Variants in NFATC2 observed in about 807,000 individuals in gnomAD.
NFATC2 encodes the protein nuclear factor of activated T cells 2, also known as nuclear factor of activated T-cells, cytoplasmic 2.
In NFATC2, 22 loss-of-function variants were observed where a neutral mutation model predicts 87.3. That is an observed-to-expected ratio of 0.25 (90% CI 0.18 to 0.36). The LOEUF (loss-of-function observed/expected upper bound fraction) is 0.36, where lower values mean the gene tolerates loss of function less well. Ranked by LOEUF, NFATC2 falls within the 10% of genes least tolerant of loss-of-function variation. NFATC2 has a pLI of 1.00. For synonymous variants in NFATC2, 565 were observed against 542.2 expected, an observed-to-expected ratio of 1.04 and a Z score of -0.58; for missense variants, 1,149 against 1,259.1, an observed-to-expected ratio of 0.91 and a Z score of 1.32.
At chr20:51,483,129 C>T (rs1568673627) in intron 3 of NFATC2, among the ~76,000 whole-genome samples, 3 of 152,028 alleles carry the variant, frequency 2.0e-5, no homozygotes, top group South Asian at 4.2e-4. Flanking sequence ...CAGCCAGGTG[C>T]GCATTTAGAT....
Position 51,400,310 on chromosome 20 carries a change from A to C in NFATC2, c.2723-1580T>G, listed in dbSNP as rs76437098. Among the ~76,000 whole-genome samples, 1,249 of 152,274 alleles carry C rather than the reference A, an allele frequency of 8.2e-3. 21 individuals are homozygous for C. The highest frequency in any genetic ancestry group is 0.029 in the African/African-American group (1,189 of 41,548). On this transcript the variant is annotated intron_variant, in intron 9 of 10. Transcript: ENST00000371564. ...TTTAAGGAGCACTTCAGTGGATCTC[A>C]GGCATCAGGCACAGGTCTGAAGTCA...
At chr20:51,460,520 ATTG>A (rs1280890911) in intron 5 of NFATC2, among the ~76,000 whole-genome samples, 1 of 151,732 alleles carries the variant, frequency 6.6e-6, no homozygotes, top group African/African-American at 2.4e-5. Context: ...AGCCATAGAC[ATTG>A]TTGTCTTATA....
At chr20:51,478,482 T>C (rs1174274167) in intron 3 of NFATC2, among the ~76,000 whole-genome samples, 1 of 152,106 alleles carries the variant, frequency 6.6e-6, no homozygotes, top group Non-Finnish European at 1.5e-5. Context: ...AGGGAACACC[T>C]GGAGATAAAA....
chr20:51,528,889 T>A (rs2076589000), intron 1 of NFATC2, among the ~76,000 whole-genome samples: 1 of 152,196 alleles, frequency 6.6e-6, no homozygotes, highest in African/African-American at 2.4e-5. Context: ...AGCATTAAAC[T>A]GAATCAGTTT....
chr20:51,432,279 A>G lies in NFATC2; in HGVS notation c.2510T>C (p.Phe837Ser). The change falls in exon 9 of 11, where the codon TTC becomes TCC. Residue 837 changes from phenylalanine to serine, a missense_variant. Physicochemically the swap from Phe to Ser is radical, Grantham distance 155. This residue lies in a region of NFATC2 where 581 missense variants were observed against 649.7 expected (regional missense o/e 0.89). Transcript: ENST00000371564. The surrounding 1 kb of genome is among the most constrained non-coding windows in gnomAD (Gnocchi z 4.6). ...EFQHIMYCEN[F>S]APGTTRPGPP... is the part of the protein sequence containing the mutation. ...GCCAGGTCTGGTGGTGCCTGGTGCG[A>G]AATTCTCGCAGTACATGATGTGCTG... 2 of 1,614,166 alleles carry G rather than the reference A, an allele frequency of 1.2e-6. No homozygotes were observed. Among genetic ancestry groups the G allele is most frequent in the African/African-American group, 1.3e-5 (1 of 75,036 alleles).
chr20:51,391,514 A>G, intron 10 of NFATC2, 63 bp from the exon 11 acceptor site: 1 of 1,531,492 alleles, frequency 6.5e-7, no homozygotes, highest in Non-Finnish European at 9.0e-7. Context: ...CACCGAAAAC[A>G]TGCATCAGGT....
intron 6 of NFATC2, among the ~76,000 whole-genome samples, chr20:51,436,219 A>G (rs992714779): frequency 1.3e-5 from 2 of 152,170 alleles, no homozygotes; most frequent in Non-Finnish European, 2.9e-5. Flanking sequence ...GTAACAAACC[A>G]CATGTACTTC....
chr20:51,538,335 T>A (rs140600331), intron 1 of NFATC2, among the ~76,000 whole-genome samples: 1 of 151,950 alleles, frequency 6.6e-6, no homozygotes, highest in African/African-American at 2.4e-5. Flanking sequence ...TTTCCATAGA[T>A]GCTAAAAAAG....
intron 9 of NFATC2, among the ~76,000 whole-genome samples, chr20:51,405,959 TAG>T (rs1259322947): frequency 6.6e-6 from 1 of 152,170 alleles, no homozygotes; most frequent in Admixed American, 6.5e-5. Context: ...GCATTTTTAG[TAG>T]AGACAGGATT....
chr20:51,499,613 G>A (rs1439125104), intron 3 of NFATC2, among the ~76,000 whole-genome samples: 5 of 152,018 alleles, frequency 3.3e-5, no homozygotes, highest in Non-Finnish European at 7.4e-5. Context: ...TTAGCCAGGC[G>A]TGGTGGCTAA....
At chr20:51,441,898 T>C (rs2146376816) in intron 6 of NFATC2, among the ~76,000 whole-genome samples, 1 of 152,258 alleles carries the variant, frequency 6.6e-6, no homozygotes, top group Non-Finnish European at 1.5e-5. Context: ...TAAAAAAGAA[T>C]TGAAGGGCCA....
At chr20:51,502,273 G>T (rs551545744) in intron 3 of NFATC2, among the ~76,000 whole-genome samples, 1 of 152,302 alleles carries the variant, frequency 6.6e-6, no homozygotes, top group African/African-American at 2.4e-5. Flanking sequence ...GCTGCATTTT[G>T]ACCATGGCAC....
At chr20:51,556,976 T>C (rs1276501071) in intron 1 of NFATC2, among the ~76,000 whole-genome samples, 1 of 152,176 alleles carries the variant, frequency 6.6e-6, no homozygotes, top group Non-Finnish European at 1.5e-5. Flanking sequence ...CGTGGCGGGC[T>C]GGCTCCTTTA....
At chr20:51,435,617 T>C in intron 7 of NFATC2, 89 bp downstream of exon 7, 1 of 1,405,940 alleles carries the variant, frequency 7.1e-7, no homozygotes, top group South Asian at 1.2e-5. Flanking sequence ...TGGGGGACAC[T>C]GATGAAGGAA....
At chr20:51,562,674 G>C (rs1344348651), upstream of NFATC2, 1 of 1,524,490 alleles carries the variant, frequency 6.6e-7, no homozygotes, top group African/African-American at 1.4e-5. The surrounding 1 kb of genome is among the most constrained non-coding windows in gnomAD (Gnocchi z 5.8). Context: ...AGGGGGATCT[G>C]TTTGTATCGA....
chr20:51,404,526 A>G (rs1355796822), intron 9 of NFATC2, among the ~76,000 whole-genome samples: 2 of 152,198 alleles, frequency 1.3e-5, no homozygotes, highest in African/African-American at 4.8e-5. Flanking sequence ...GAATGCATAT[A>G]TATGGCACTA....
chr20:51,397,296 G>A (rs1028413582), intron 10 of NFATC2, among the ~76,000 whole-genome samples: 1 of 152,164 alleles, frequency 6.6e-6, no homozygotes, highest in Non-Finnish European at 1.5e-5. Context: ...TCTTCTCCAG[G>A]GAAACCTGGC....
intron 1 of NFATC2, among the ~76,000 whole-genome samples, chr20:51,552,352 T>C (rs1348398164): frequency 6.6e-6 from 1 of 152,242 alleles, no homozygotes; most frequent in East Asian, 1.9e-4. Context: ...TCCTGATTAC[T>C]GAATTTCTTG....
intron 3 of NFATC2, among the ~76,000 whole-genome samples, chr20:51,483,597 T>TCCCCCCCCCC: frequency 6.8e-6 from 1 of 147,418 alleles, no homozygotes; most frequent in African/African-American, 2.5e-5. Context: ...AACCCCACCT[T>TCCCCCCCCCC]CCACCCTCTC....
Sources: allele counts gnomAD v4.1 joint callset (sites outside exome capture counted in the v4.1 genomes callset), GRCh38; gene constraint gnomAD v4.1.1; regional missense constraint gnomAD v4.1.1; non-coding constraint Gnocchi (gnomAD v3.1); transcripts MANE v1.5; gene names NCBI Gene and HGNC (gene_info 2026-07-23, HGNC 2026-07-21).